Variants in BCKDHB observed in about 807,000 individuals in gnomAD.
BCKDHB encodes the protein 2-oxoisovalerate dehydrogenase subunit beta, mitochondrial.
BCKDHB carries 41 observed loss-of-function variants against 48.5 expected under a neutral mutation model. The observed-to-expected ratio is 0.85, with a 90% confidence interval of 0.66 to 1.10. The LOEUF is 1.10. Ranked by LOEUF, BCKDHB falls within the 50% of genes least tolerant of loss-of-function variation. BCKDHB has a pLI of 0.00. For missense variants in BCKDHB, 496 were observed against 494.2 expected (o/e 1.00, Z -0.03); for synonymous variants, 201 against 174.8 (o/e 1.15, Z -1.18).
intron 6 of BCKDHB, among the ~76,000 whole-genome samples, chr6:80,176,377 G>A (rs1409755933): frequency 6.6e-6 from 1 of 152,156 alleles, no homozygotes; most frequent in East Asian, 1.9e-4. Context: ...ATTCTGGGAG[G>A]TAAGTGAATG....
intron 1 of BCKDHB, among the ~76,000 whole-genome samples, chr6:80,126,912 A>G (rs2127725426): frequency 6.6e-6 from 1 of 152,290 alleles, no homozygotes; most frequent in East Asian, 1.9e-4. Context: ...TGTGTCAGGT[A>G]CTGTTCTGAG....
the BCKDHB span, among the ~76,000 whole-genome samples, chr6:80,398,541 A>G: frequency 6.6e-6 from 1 of 152,160 alleles, no homozygotes; most frequent in Non-Finnish European, 1.5e-5. Context: ...TACTAATTCC[A>G]TGAACAGACC....
chr6:80,396,332 T>C, the BCKDHB span, among the ~76,000 whole-genome samples: 2 of 152,236 alleles, frequency 1.3e-5, no homozygotes, highest in African/African-American at 4.8e-5. Context: ...ATTTACCCAA[T>C]ACCTCTATCC....
chr6:80,124,086 C>T (rs531765173), intron 1 of BCKDHB, among the ~76,000 whole-genome samples: 298 of 152,186 alleles, frequency 2.0e-3, no homozygotes, highest in Middle Eastern at 0.014. Flanking sequence ...GATTCTGGTA[C>T]GTTGTGTCTT....
the BCKDHB span, among the ~76,000 whole-genome samples, chr6:80,365,754 A>G: frequency 2.2e-5 from 1 of 45,648 alleles, no homozygotes; most frequent in Non-Finnish European, 8.6e-5. Flanking sequence ...TTAAGAGATT[A>G]AAGTAAAGAG....
intron 8 of BCKDHB, among the ~76,000 whole-genome samples, chr6:80,208,553 CT>C (rs1774775300): frequency 6.6e-6 from 1 of 151,582 alleles, no homozygotes; most frequent in Admixed American, 6.6e-5. Context: ...AATTGATAAA[CT>C]TTTAACTAAT....
the BCKDHB span, among the ~76,000 whole-genome samples, chr6:80,403,554 T>C: frequency 6.6e-6 from 1 of 151,932 alleles, no homozygotes; most frequent in African/African-American, 2.4e-5. Context: ...TCTATTCTAA[T>C]GTTGGCGGCT....
chr6:80,107,520 T>TATATATGCACAA (rs1334468937), intron 1 of BCKDHB, among the ~76,000 whole-genome samples: 2 of 131,686 alleles, frequency 1.5e-5, no homozygotes, highest in East Asian at 4.2e-4. Context: ...TGCGCATATA[T>TATATATGCACAA]ATATATATGC....
chr6:80,305,572 A>G (rs910161538), intron 9 of BCKDHB, among the ~76,000 whole-genome samples: 4 of 152,150 alleles, frequency 2.6e-5, no homozygotes, highest in Admixed American at 6.5e-5. Context: ...TTGAAATGTG[A>G]CAAATTGATT....
chr6:80,133,715 T>C (rs760468389), intron 3 of BCKDHB, among the ~76,000 whole-genome samples: 9 of 152,054 alleles, frequency 5.9e-5, no homozygotes, highest in Non-Finnish European at 1.2e-4. Context: ...CGATCACGGC[T>C]CACTGTAACC....
At chr6:80,364,534 A>G in the BCKDHB span, among the ~76,000 whole-genome samples, 3 of 152,262 alleles carry the variant, frequency 2.0e-5, no homozygotes, top group Non-Finnish European at 2.9e-5. Context: ...GTATTACTCC[A>G]TAAGTAAAAC....
chr6:80,180,176 A>AT, intron 6 of BCKDHB, among the ~76,000 whole-genome samples: 1 of 152,350 alleles, frequency 6.6e-6, no homozygotes, highest in Admixed American at 6.5e-5. Context: ...ATTTTCTTGA[A>AT]TTTTATTTCT....
At chr6:80,355,000 A>C in the BCKDHB span, among the ~76,000 whole-genome samples, 1 of 152,230 alleles carries the variant, frequency 6.6e-6, no homozygotes, top group Non-Finnish European at 1.5e-5. Flanking sequence ...TTTTTGTTCC[A>C]TATGAGTTTT....
chr6:80,426,448 T>A, the BCKDHB span, among the ~76,000 whole-genome samples: 1 of 152,194 alleles, frequency 6.6e-6, no homozygotes, highest in Non-Finnish European at 1.5e-5. Context: ...TTTTCTAATA[T>A]AATCATACAA....
the BCKDHB span, among the ~76,000 whole-genome samples, chr6:80,360,916 A>G: frequency 6.6e-6 from 1 of 150,734 alleles, no homozygotes; most frequent in Non-Finnish European, 1.5e-5. Flanking sequence ...GAGGCAGGAG[A>G]ATCGCTTTAA....
chr6:80,166,007 AT>A (rs997930565), intron 3 of BCKDHB, among the ~76,000 whole-genome samples: 32 of 152,228 alleles, frequency 2.1e-4, no homozygotes, highest in African/African-American at 5.3e-4. Context: ...GACTGAGTCT[AT>A]TTGTTTGAAT....
At chr6:80,379,048 T>C in the BCKDHB span, among the ~76,000 whole-genome samples, 858 of 152,126 alleles carry the variant, frequency 5.6e-3, 5 homozygotes, top group Middle Eastern at 0.02. Flanking sequence ...GCTGAAACTA[T>C]TCCAAAAAAT....
At chr6:80,151,000 A>G (rs1460892070) in intron 3 of BCKDHB, among the ~76,000 whole-genome samples, 1 of 152,200 alleles carries the variant, frequency 6.6e-6, no homozygotes, top group African/African-American at 2.4e-5. Context: ...TAAGCTTGTT[A>G]AGCATCACTT....
At chr6:80,160,935 C>T (rs751630112) in intron 3 of BCKDHB, among the ~76,000 whole-genome samples, 10 of 152,126 alleles carry the variant, frequency 6.6e-5, no homozygotes, top group Non-Finnish European at 1.5e-4. Context: ...ACAAGTTTAT[C>T]AGAAATTTTC....
Sources: gnomAD v4.1 joint callset for allele counts (sites outside exome capture counted in the v4.1 genomes callset) on GRCh38, gnomAD v4.1.1 for gene constraint, MANE v1.5 for transcripts, NCBI Gene and HGNC (gene_info 2026-07-23, HGNC 2026-07-21) for gene names.